LRCH1: variants seen among roughly 807,000 people sequenced by gnomAD.
The protein encoded by LRCH1 is leucine-rich repeat and calponin homology domain-containing protein 1.
LRCH1 carries 23 observed loss-of-function variants against 94.9 expected under a neutral mutation model. That is an observed-to-expected ratio of 0.24 (90% confidence interval 0.17 to 0.34). LRCH1 has a LOEUF of 0.34. LRCH1 is among the 10% of genes least tolerant of loss of function. The pLI, the probability that LRCH1 is intolerant of heterozygous loss-of-function variation, is 1.00. For synonymous variants in LRCH1, 364 were observed against 354.9 expected (o/e 1.03, Z -0.29); for missense variants, 790 against 945.9 (o/e 0.84, Z 2.16).
rs779524750 is a variant in LRCH1 at position 46,733,964 on chromosome 13, T to G, written c.2051T>G (p.Phe684Cys). Residue 684 changes from phenylalanine (F) to cysteine (C), a missense_variant, in exon 19 of 20, where the codon TTT becomes TGT. Transcript: ENST00000389797. Reference sequence around the variant, plus strand: ...AAATGCAGAAGAAATGTGGAAAACTTTTTGGAAGCATGCCGAAAATTAGGA... The same window carrying G: ...AAATGCAGAAGAAATGTGGAAAACTGTTTGGAAGCATGCCGAAAATTAGGA... Reference protein sequence around the residue: ...MAKCRRNVENFLEACRKLGVP... With the variant: ...MAKCRRNVENCLEACRKLGVP... 2 of 1,605,398 alleles carry G rather than the reference T, an allele frequency of 1.2e-6. No individual in the cohort carries two copies. Among genetic ancestry groups the G allele is most frequent in the Non-Finnish European group, 1.7e-6 (2 of 1,175,640 alleles).
intron 19 of LRCH1, among the ~76,000 whole-genome samples, chr13:46,737,954 A>G (rs775540598): frequency 6.6e-6 from 1 of 152,220 alleles, no homozygotes; most frequent in Non-Finnish European, 1.5e-5. Context: ...TTGGTTCACC[A>G]GGGAAATTTT....
intron 1 of LRCH1, among the ~76,000 whole-genome samples, chr13:46,573,866 A>ATATATATATATATATATATATTTTTTTT: frequency 1.6e-5 from 1 of 63,388 alleles, no homozygotes; most frequent in Non-Finnish European, 3.2e-5. Flanking sequence ...ATATATATAT[A>ATATATATATATATATATATATTTTTTTT]TTTTTTTTTT....
chr13:46,612,691 T>A (rs1474990889), intron 1 of LRCH1, among the ~76,000 whole-genome samples: 2 of 152,216 alleles, frequency 1.3e-5, no homozygotes, highest in African/African-American at 4.8e-5. Flanking sequence ...TGAGTTTGTT[T>A]ATGAGTTTTC....
At chr13:46,568,709 T>C (rs748547910) in intron 1 of LRCH1, among the ~76,000 whole-genome samples, 1 of 152,140 alleles carries the variant, frequency 6.6e-6, no homozygotes, top group Admixed American at 6.5e-5. Flanking sequence ...CAGAAGCATA[T>C]AGAAAGGTGA....
At chr13:46,680,124 G>T (rs1340876574) in intron 3 of LRCH1, 3 of 152,214 alleles carry the variant, frequency 2.0e-5, no homozygotes, top group Non-Finnish European at 1.5e-5. Flanking sequence ...TGATCTCACT[G>T]GAATCATTTG....
chr13:46,749,931 A>G (rs1247862876), intron 18 of LRCH1, among the ~76,000 whole-genome samples: 1 of 152,232 alleles, frequency 6.6e-6, no homozygotes, highest in Non-Finnish European at 1.5e-5. Flanking sequence ...ATGAGAGAGT[A>G]GCAGGACATA....
intron 1 of LRCH1, among the ~76,000 whole-genome samples, chr13:46,647,920 G>A (rs2051243797): frequency 6.6e-6 from 1 of 151,756 alleles, no homozygotes; most frequent in Non-Finnish European, 1.5e-5. Flanking sequence ...AACCTTTTTG[G>A]CACCAGGGAC....
intron 3 of LRCH1, among the ~76,000 whole-genome samples, chr13:46,676,274 GAC>G (rs1210576520): frequency 6.6e-6 from 1 of 151,828 alleles, no homozygotes; most frequent in East Asian, 1.9e-4. Context: ...TGGGGGGAAA[GAC>G]AGCAAGTTCT....
At chr13:46,705,648 A>G in intron 13 of LRCH1, 3 of 411,604 alleles carry the variant, frequency 7.3e-6, no homozygotes, top group Non-Finnish European at 1.3e-5. Flanking sequence ...TTCAATGTAG[A>G]TTTTAGAGCC....
chr13:46,591,152 A>T (rs1566162318), intron 1 of LRCH1, among the ~76,000 whole-genome samples: 1 of 152,184 alleles, frequency 6.6e-6, no homozygotes, highest in Non-Finnish European at 1.5e-5. Context: ...TGTGCCCCGC[A>T]ACTTGGCCTA....
chr13:46,712,322 G>A (rs1872106917), intron 14 of LRCH1, among the ~76,000 whole-genome samples: 1 of 152,136 alleles, frequency 6.6e-6, no homozygotes, highest in African/African-American at 2.4e-5. Flanking sequence ...CAAATTGAGT[G>A]GGTCACTCTA....
chr13:46,747,975 C>T (rs911485905), downstream of LRCH1, among the ~76,000 whole-genome samples: 2 of 152,150 alleles, frequency 1.3e-5, no homozygotes, highest in Non-Finnish European at 2.9e-5. Flanking sequence ...CTCTTGGCCT[C>T]AAGTGATCTT....
chr13:46,582,895 C>G (rs868724180), intron 1 of LRCH1, among the ~76,000 whole-genome samples: 2 of 151,846 alleles, frequency 1.3e-5, no homozygotes, highest in Admixed American at 6.6e-5. Flanking sequence ...TACTCCAAAT[C>G]TGGTAGCACC....
chr13:46,604,886 G>A (rs2050670909), intron 1 of LRCH1, among the ~76,000 whole-genome samples: 2 of 152,194 alleles, frequency 1.3e-5, no homozygotes, highest in African/African-American at 4.8e-5. Flanking sequence ...ATGCTTTGGT[G>A]AGAGAAACTG....
chr13:46,657,948 C>T (rs529326702), intron 2 of LRCH1, among the ~76,000 whole-genome samples: 3 of 152,130 alleles, frequency 2.0e-5, no homozygotes, highest in Admixed American at 6.5e-5. Context: ...CCCTAGGCTA[C>T]ACTATTTCAT....
chr13:46,653,826 G>A (rs842409), intron 2 of LRCH1, among the ~76,000 whole-genome samples: 1 of 152,098 alleles, frequency 6.6e-6, no homozygotes, highest in Admixed American at 6.6e-5. Flanking sequence ...TGTCTCAAAA[G>A]AAAGAAAGAA....
chr13:46,695,096 CA>C (rs1360906007), intron 9 of LRCH1, 79 bp downstream of exon 9: 1 of 1,529,116 alleles, frequency 6.5e-7, no homozygotes, highest in African/African-American at 1.4e-5. Context: ...TGAAGGTTGC[CA>C]ATCCATCCCC....
intron 13 of LRCH1, among the ~76,000 whole-genome samples, chr13:46,709,536 T>G (rs1329929091): frequency 6.6e-6 from 1 of 152,214 alleles, no homozygotes; most frequent in Non-Finnish European, 1.5e-5. Flanking sequence ...CCTTAGCACC[T>G]TTATTTTAGC....
intron 1 of LRCH1, among the ~76,000 whole-genome samples, chr13:46,606,875 A>AT (rs1189874159): frequency 2.6e-5 from 4 of 151,818 alleles, no homozygotes; most frequent in Admixed American, 6.6e-5. Context: ...GCAGAAAGAA[A>AT]TTTTTTTTTA....
Sources: gnomAD v4.1 joint callset for allele counts (sites outside exome capture counted in the v4.1 genomes callset) on GRCh38, gnomAD v4.1.1 for gene constraint, MANE v1.5 for transcripts, NCBI Gene and HGNC (gene_info 2026-07-23, HGNC 2026-07-21) for gene names.